The following NID2 variants were observed in gnomAD, a reference collection of about 807,000 sequenced individuals.
The protein encoded by NID2 is nidogen 2.
A neutral mutation model predicts 145.4 loss-of-function variants in NID2; 83 were observed. That is an observed-to-expected ratio of 0.57 (90% CI 0.48 to 0.69). NID2 has a LOEUF of 0.69. Among genes scored for constraint, NID2 ranks in the 30% least tolerant of loss-of-function variants. NID2 has a pLI of 0.00. For synonymous variants in NID2, 739 were observed against 701.3 expected (o/e 1.05, Z -0.85); for missense variants, 1,807 against 1,765.7 (o/e 1.02, Z -0.42).
In NID2 at chr14:52,004,857, T is replaced by TACATCTTTGGTATTTATAAATGTGATAC. The variant is rs1415205017; in HGVS notation, c.*601_*628dup. On this transcript the variant is annotated 3_prime_UTR_variant, in exon 22 of 22. Transcript: ENST00000216286. The stretch of plus-strand genomic sequence containing the variant: ...GTAATCTAGAAAATTTTAAAATTGT[T>TACATCTTTGGTATTTATAAATGTGATAC]ACATCTTTGGTATTTATAAATGTGA... 5.5e-6 allele frequency: 1 copy of TACATCTTTGGTATTTATAAATGTGATAC among 182,842 alleles called. No individual in the cohort carries two copies. Among genetic ancestry groups the TACATCTTTGGTATTTATAAATGTGATAC allele is most frequent in the Non-Finnish European group, 1.1e-5 (1 of 89,116 alleles). The allele number at this position is 182,842 out of a possible 1,614,324, so 11.3% of individuals were successfully genotyped here.
In NID2 at chr14:52,006,586, A is replaced by AG; in HGVS notation, c.3954dup (p.Phe1319LeufsTer25). The AG allele has an allele frequency of 6.2e-7, 1 of 1,613,884 alleles. No individual in the cohort carries two copies. The highest frequency in any genetic ancestry group is 2.2e-5 in the East Asian group (1 of 44,860). On this transcript the variant is annotated frameshift_variant, in exon 20 of 22. Coordinates refer to ENST00000216286, the MANE Select transcript of NID2 (RefSeq NM_007361.4). LOFTEE classifies it high-confidence loss of function. ...TGATCTGCATAGCTTACGATGCTGA[A>AG]GGGGTACTTGAGGTTGTTTTGAATG...
intron 2 of NID2, among the ~76,000 whole-genome samples, chr14:52,062,266 G>C (rs1407728778): frequency 6.6e-6 from 1 of 152,196 alleles, no homozygotes; most frequent in African/African-American, 2.4e-5. Flanking sequence ...ACAACATCTT[G>C]CTTTGCTTTT....
At chr14:52,014,068 C>T (rs1891124926) in intron 16 of NID2, 1 of 612,440 alleles carries the variant, frequency 1.6e-6, no homozygotes, top group South Asian at 1.9e-5. Context: ...ACTCCATGAA[C>T]GAACCAGAGA....
At chr14:52,047,919 A>G (rs1892559348) in intron 5 of NID2, among the ~76,000 whole-genome samples, 1 of 152,110 alleles carries the variant, frequency 6.6e-6, no homozygotes, top group African/African-American at 2.4e-5. Context: ...ATCACCTGAG[A>G]TTTCTGTTAA....
At chr14:52,047,042 C>T (rs1892526122) in intron 5 of NID2, among the ~76,000 whole-genome samples, 2 of 152,190 alleles carry the variant, frequency 1.3e-5, no homozygotes, top group South Asian at 4.1e-4. Flanking sequence ...AATTTTTGTT[C>T]ATTCATTCAC....
At chr14:52,040,230 T>G (rs1369380427) in intron 8 of NID2, among the ~76,000 whole-genome samples, 1 of 151,052 alleles carries the variant, frequency 6.6e-6, no homozygotes, top group Admixed American at 6.7e-5. Context: ...CATGAGCCAT[T>G]GCACCTGGCC....
chr14:52,068,173 G>C lies in NID2; in HGVS notation c.229-10C>G. ...TGCCGTTGGTGCCCACCTGGGAGAG[G>C]AGAGGGACAAAAAGGTGACAGTCGC... is the stretch of plus-strand genomic sequence containing the variant. On this transcript the variant is annotated splice_polypyrimidine_tract_variant and intron_variant, in intron 1 of 21. Coordinates refer to ENST00000216286, the MANE Select transcript of NID2 (RefSeq NM_007361.4). 1 of 1,612,120 alleles carries C rather than the reference G, an allele frequency of 6.2e-7. No homozygotes were observed. Among genetic ancestry groups the C allele is most frequent in the Non-Finnish European group, 8.5e-7 (1 of 1,179,392 alleles).
intron 12 of NID2, among the ~76,000 whole-genome samples, chr14:52,024,855 G>T (rs1304506517): frequency 6.6e-6 from 1 of 152,088 alleles, no homozygotes; most frequent in Non-Finnish European, 1.5e-5. Context: ...CATGACCCCA[G>T]AAGGTAATCA....
At chr14:52,061,482 C>T (rs181785514) in intron 2 of NID2, among the ~76,000 whole-genome samples, 5 of 152,244 alleles carry the variant, frequency 3.3e-5, no homozygotes, top group East Asian at 1.9e-4. Context: ...GAGAGTCTCA[C>T]GGTGTAGGAC....
intron 8 of NID2, 112 bp from the exon 9 acceptor site, chr14:52,039,089 G>A: frequency 1.3e-6 from 1 of 786,544 alleles, no homozygotes. Context: ...GTTCCCTTGG[G>A]AACCTCCTGA....
intron 18 of NID2, chr14:52,009,995 G>T (rs75576662): frequency 6.9e-6 from 1 of 144,210 alleles, no homozygotes; most frequent in South Asian, 2.2e-4. Flanking sequence ...TCAAAAAAAA[G>T]AAAAAAAAAA....
intron 9 of NID2, 75 bp from the exon 10 acceptor site, chr14:52,029,765 C>T (rs910024892): frequency 9.5e-6 from 12 of 1,260,710 alleles, no homozygotes; most frequent in East Asian, 4.9e-5. Context: ...GAGGAGTCCT[C>T]GGAACTGACT....
chr14:52,048,411 G>A (rs986691184), intron 5 of NID2, among the ~76,000 whole-genome samples: 2 of 152,168 alleles, frequency 1.3e-5, no homozygotes, highest in Admixed American at 6.5e-5. Context: ...ATTTCTATGG[G>A]AATTGCAGTG....
intron 5 of NID2, among the ~76,000 whole-genome samples, chr14:52,051,405 T>C (rs1478779134): frequency 6.6e-6 from 1 of 152,200 alleles, no homozygotes; most frequent in Non-Finnish European, 1.5e-5. Flanking sequence ...ACAGACTACA[T>C]GTCTTGCCCC....
chr14:52,011,802 A>C, intron 16 of NID2, 119 bp from the exon 17 acceptor site: 4 of 1,230,382 alleles, frequency 3.3e-6, no homozygotes, highest in Non-Finnish European at 4.6e-6. Context: ...TCCTGCAGGC[A>C]ACAGAGCAGA....
chr14:52,028,876 T>C, intron 10 of NID2, 26 bp from the exon 11 acceptor site: 1 of 1,611,820 alleles, frequency 6.2e-7, no homozygotes, highest in South Asian at 1.1e-5. Context: ...AAGAGAAAAA[T>C]TCTGCTTAAT....
At chr14:52,046,763 A>C (rs1224527678) in intron 5 of NID2, among the ~76,000 whole-genome samples, 3 of 152,212 alleles carry the variant, frequency 2.0e-5, no homozygotes, top group African/African-American at 7.2e-5. Flanking sequence ...AGTTACTGTT[A>C]AGCTAACCTG....
At chr14:52,022,501 G>C (rs1027522878) in intron 12 of NID2, among the ~76,000 whole-genome samples, 1 of 152,120 alleles carries the variant, frequency 6.6e-6, no homozygotes, top group South Asian at 2.1e-4. Context: ...TCAGCCCCCT[G>C]GCAAGGGAGG....
chr14:52,060,902 CT>C (rs1468114974), intron 2 of NID2, among the ~76,000 whole-genome samples: 1 of 152,216 alleles, frequency 6.6e-6, no homozygotes. Flanking sequence ...CCTCTTCCAT[CT>C]ACCCTTTCAT....
Sources: gnomAD v4.1 joint callset for allele counts (sites outside exome capture counted in the v4.1 genomes callset) on GRCh38, gnomAD v4.1.1 for gene constraint, MANE v1.5 for transcripts, NCBI Gene and HGNC (gene_info 2026-07-23, HGNC 2026-07-21) for gene names.